Variants in PTPRS observed in about 807,000 individuals in gnomAD.
PTPRS encodes protein tyrosine phosphatase receptor type S, also known as receptor-type tyrosine-protein phosphatase S.
Under a neutral mutation model 215.3 loss-of-function variants are expected in PTPRS, and 63 were observed. The ratio of observed to expected loss-of-function variants is 0.29; its 90% CI spans 0.24 to 0.36. The LOEUF (loss-of-function observed/expected upper bound fraction) is 0.36, where lower values mean the gene tolerates loss of function less well. PTPRS is among the 10% of genes least tolerant of loss of function. PTPRS has a pLI of 1.00. For missense variants in PTPRS, 2,258 were observed against 2,825.8 expected, an observed-to-expected ratio of 0.80 and a Z score of 4.56; for synonymous variants, 1,404 against 1,191.4, an observed-to-expected ratio of 1.18 and a Z score of -3.68.
intron 1 of PTPRS, among the ~76,000 whole-genome samples, chr19:5,328,919 G>C (rs1210736423): frequency 1.3e-5 from 2 of 152,178 alleles, no homozygotes; most frequent in Non-Finnish European, 2.9e-5. Flanking sequence ...CCGAGGCAGG[G>C]CTTTCCCCAT....
chr19:5,252,645 C>T (rs1341891489), intron 9 of PTPRS, among the ~76,000 whole-genome samples: 8 of 147,752 alleles, frequency 5.4e-5, no homozygotes, highest in Middle Eastern at 3.8e-3. Context: ...TTTTGGAGGC[C>T]GAGGCAGGTA....
At chr19:5,284,177 G>A (rs1466910118) in intron 2 of PTPRS, among the ~76,000 whole-genome samples, 1 of 151,142 alleles carries the variant, frequency 6.6e-6, no homozygotes, top group Non-Finnish European at 1.5e-5. Flanking sequence ...TGGCTAACAT[G>A]GTGAAACCCC....
chr19:5,212,310 G>T (rs144943123), intron 31 of PTPRS, 27 bp downstream of exon 31: 1 of 1,610,622 alleles, frequency 6.2e-7, no homozygotes, highest in African/African-American at 1.3e-5. Context: ...GGGGGGAAGC[G>T]GATGGGGCAG....
At chr19:5,296,677 G>A (rs1390112082) in intron 1 of PTPRS, among the ~76,000 whole-genome samples, 2 of 148,946 alleles carry the variant, frequency 1.3e-5, no homozygotes, top group Non-Finnish European at 3.0e-5. Context: ...GAGGAGGCCA[G>A]TGTTGCTGGA....
At chr19:5,290,113 G>C (rs1362890848) in intron 1 of PTPRS, among the ~76,000 whole-genome samples, 1 of 152,254 alleles carries the variant, frequency 6.6e-6, no homozygotes, top group Non-Finnish European at 1.5e-5. Context: ...GGGAGTGACC[G>C]CTGGACGCTG....
At chr19:5,243,335 G>A (rs1477781324) in intron 11 of PTPRS, among the ~76,000 whole-genome samples, 4 of 151,016 alleles carry the variant, frequency 2.6e-5, no homozygotes, top group Admixed American at 6.6e-5. Context: ...GGGGTTTCAC[G>A]GTGTTGGCCA....
Position 5,222,929 on chromosome 19 carries a change from G to A in PTPRS, c.2863C>T (p.Pro955Ser), listed in dbSNP as rs1385812531. ...ACGATGGCCCCGTTGCGCTCGGCGG[G>A]CACGGGTGGCAGCCAGCGGAGAAGG... The part of the protein sequence containing the change: ...TVLLRWLPPV[P>S]AERNGAIVKY... Residue 955 changes from proline to serine, a missense_variant, in exon 18 of 38, where the codon CCC (proline) becomes TCC (serine). Pro to Ser is a moderately conservative substitution (Grantham distance 74). Coordinates refer to ENST00000262963, the MANE Select transcript of PTPRS (RefSeq NM_002850.4). 1 of 1,558,620 alleles carries A rather than the reference G, an allele frequency of 6.4e-7. No homozygotes were observed. Among genetic ancestry groups the A allele is most frequent in the East Asian group, 2.4e-5 (1 of 41,910 alleles).
intron 25 of PTPRS, 98 bp downstream of exon 25, chr19:5,218,322 G>C: frequency 1.0e-6 from 1 of 957,110 alleles, no homozygotes; most frequent in Non-Finnish European, 1.6e-6. Flanking sequence ...GCATAGTTCA[G>C]AGGGGGCCAA....
chr19:5,222,870 G>A lies in PTPRS; in HGVS notation c.2922C>T (p.Ala974=). The A allele has an allele frequency of 5.7e-6, 9 of 1,584,254 alleles. No homozygotes were observed. The highest frequency in any genetic ancestry group is 1.1e-5 in the South Asian group (1 of 89,450). The stretch of plus-strand genomic sequence containing the variant: ...GCTCAGTCTCTCGGGCAGGGCCCAG[G>A]GCACCGGCCTCCCGCACGGCCACCG... ...KYTVAVREAG[A]LGPARETELP... The change falls in exon 18 of 38, where the codon GCC becomes GCT. Residue 974 remains alanine, a synonymous_variant. Coordinates refer to ENST00000262963, the MANE Select transcript of PTPRS (RefSeq NM_002850.4).
chr19:5,207,900 C>T (rs1261263952), intron 37 of PTPRS, 22 bp downstream of exon 37: 5 of 1,611,188 alleles, frequency 3.1e-6, no homozygotes, highest in Non-Finnish European at 4.2e-6. Flanking sequence ...CAGGCTGCCT[C>T]CCCTCCCTGT....
At chr19:5,235,879 A>G (rs903014797) in intron 13 of PTPRS, among the ~76,000 whole-genome samples, 17 of 151,712 alleles carry the variant, frequency 1.1e-4, no homozygotes, top group South Asian at 2.1e-4. Flanking sequence ...GTAAGTCTCT[A>G]TGTGTTGCGT....
In PTPRS at chr19:5,244,612, G is replaced by GATT; in HGVS notation, c.989-131_989-130insAAT. 2.8e-6 allele frequency: 2 copies of GATT among 708,242 alleles called. No individual in the cohort carries two copies. Among genetic ancestry groups the GATT allele is most frequent in the Non-Finnish European group, 4.7e-6 (2 of 429,084 alleles). 43.9% of individuals were successfully genotyped at this position (708,242 alleles called of 1,614,324 possible). A position where few individuals can be genotyped will look rare whatever the true frequency, so the allele number is the denominator to read the frequency against. On this transcript the variant is annotated intron_variant, in intron 10 of 37. Transcript: ENST00000262963. This position sits in a 1 kb window ranked among gnomAD's most constrained non-coding sequence, Gnocchi z 7.2. ...GCCCAGCAGTAATCATGGGCCTCAT[G>GATT]ACTCCTGTCATCGTCTACAGCAAGG... is the stretch of plus-strand genomic sequence containing the variant.
chr19:5,280,009 C>T (rs1230405932), intron 2 of PTPRS, among the ~76,000 whole-genome samples: 3 of 152,140 alleles, frequency 2.0e-5, no homozygotes, highest in African/African-American at 7.2e-5. Flanking sequence ...CATAAAATTG[C>T]TTAAATAAAA....
At position 5,222,168 on chromosome 19, in the gene PTPRS, G is replaced by C; in HGVS notation, c.3156C>G (p.Leu1052=). ...VKMIMKTSVL[L]SWEFPDNYNS... Reference sequence around the variant, plus strand: ...TGTAGTTGTCAGGGAACTCCCAGCTGAGCAGAACTGATGTCTTCATGATCA... The same window carrying C: ...TGTAGTTGTCAGGGAACTCCCAGCTCAGCAGAACTGATGTCTTCATGATCA... The change falls in exon 19 of 38, where the codon CTC becomes CTG. Residue 1052 remains leucine (L), a synonymous_variant. Coordinates refer to ENST00000262963, the MANE Select transcript of PTPRS (RefSeq NM_002850.4). 6.2e-7 allele frequency: 1 copy of C among 1,614,064 alleles called. No individual in the cohort carries two copies. The highest frequency in any genetic ancestry group is 8.5e-7 in the Non-Finnish European group (1 of 1,179,998).
chr19:5,316,541 C>T (rs577053087), intron 1 of PTPRS, among the ~76,000 whole-genome samples: 14 of 152,306 alleles, frequency 9.2e-5, no homozygotes, highest in South Asian at 6.2e-4. Flanking sequence ...CACAGACTCA[C>T]GCCACCACGC....
At position 5,257,428 on chromosome 19, in the gene PTPRS, T is replaced by C. The variant is rs533373112; in HGVS notation, c.706+589A>G. ...GCCTCCCATCGGCCTGGACTGCCCT[T>C]CTCGGAGAGTCATTAGGAAGAGGCA... On this transcript the variant is annotated intron_variant, in intron 8 of 37. Coordinates refer to ENST00000262963, the MANE Select transcript of PTPRS (RefSeq NM_002850.4). This position sits in a 1 kb window ranked among gnomAD's most constrained non-coding sequence, Gnocchi z 4.4. The C allele has an allele frequency of 9.8e-5, 45 of 458,330 alleles. No homozygotes were observed. Among genetic ancestry groups the C allele is most frequent in the African/African-American group, 8.8e-4 (44 of 50,278 alleles). The allele number at this position is 458,330 out of a possible 1,614,324, so 28.4% of individuals were successfully genotyped here.
intron 17 of PTPRS, among the ~76,000 whole-genome samples, chr19:5,224,635 C>T (rs1303577216): frequency 6.6e-6 from 1 of 152,180 alleles, no homozygotes; most frequent in African/African-American, 2.4e-5. Context: ...TATGAATACC[C>T]AGGGTGGTGG....
intron 1 of PTPRS, among the ~76,000 whole-genome samples, chr19:5,302,750 G>A (rs922926995): frequency 2.0e-5 from 3 of 151,998 alleles, no homozygotes; most frequent in African/African-American, 7.2e-5. Flanking sequence ...CTAGGGGTAC[G>A]TTCCTGACTT....
intron 1 of PTPRS, among the ~76,000 whole-genome samples, chr19:5,321,496 C>T (rs1230224578): frequency 1.3e-5 from 2 of 152,150 alleles, no homozygotes; most frequent in South Asian, 2.1e-4. Flanking sequence ...AGAGCTAATG[C>T]TAAATTCACT....
Sources: gnomAD v4.1 joint callset for allele counts (sites outside exome capture counted in the v4.1 genomes callset) on GRCh38, gnomAD v4.1.1 for gene constraint, Gnocchi (gnomAD v3.1) non-coding constraint, MANE v1.5 for transcripts, NCBI Gene and HGNC (gene_info 2026-07-23, HGNC 2026-07-21) for gene names.